Variants in PTPRD observed in about 807,000 individuals in gnomAD.
The protein encoded by PTPRD is receptor-type tyrosine-protein phosphatase delta.
A neutral mutation model predicts 214.5 loss-of-function variants in PTPRD; 34 were observed. The observed-to-expected ratio is 0.16, with a 90% CI of 0.12 to 0.21. The LOEUF (loss-of-function observed/expected upper bound fraction) is 0.21, where lower values mean the gene tolerates loss of function less well. Ranked by LOEUF, PTPRD falls within the 10% of genes least tolerant of loss-of-function variation. PTPRD has a pLI of 1.00. For synonymous variants in PTPRD, 1,128 were observed against 845.7 expected, an observed-to-expected ratio of 1.33 and a Z score of -5.79; for missense variants, 2,545 against 2,398.7, an observed-to-expected ratio of 1.06 and a Z score of -1.27.
intron 12 of PTPRD, among the ~76,000 whole-genome samples, chr9:8,642,693 G>C (rs190080549): frequency 6.6e-6 from 1 of 152,284 alleles, no homozygotes; most frequent in African/African-American, 2.4e-5. Flanking sequence ...CTGGTCTGAA[G>C]GTTTGAGGGG....
intron 3 of PTPRD, among the ~76,000 whole-genome samples, chr9:10,259,063 C>G (rs907243155): frequency 6.6e-6 from 1 of 152,020 alleles, no homozygotes; most frequent in South Asian, 2.1e-4. Flanking sequence ...CACTCTGTCG[C>G]CCAGGCTGGA....
At chr9:9,539,402 T>C (rs1213293255) in intron 8 of PTPRD, among the ~76,000 whole-genome samples, 2 of 151,858 alleles carry the variant, frequency 1.3e-5, no homozygotes, top group African/African-American at 4.8e-5. Flanking sequence ...AAAATGACTT[T>C]TGTCTCTTGG....
intron 35 of PTPRD, among the ~76,000 whole-genome samples, chr9:8,432,513 T>TA (rs915150496): frequency 1.3e-3 from 203 of 151,596 alleles, no homozygotes; most frequent in Admixed American, 3.3e-3. Context: ...AGAATCAGAG[T>TA]AAAAAAAAAT....
At chr9:9,429,578 G>C (rs2082271316) in intron 8 of PTPRD, among the ~76,000 whole-genome samples, 1 of 152,118 alleles carries the variant, frequency 6.6e-6, no homozygotes, top group Admixed American at 6.6e-5. Context: ...TGATACCAAA[G>C]CCTGGCAGAG....
rs145291481 is a variant in PTPRD, at chr9:9,393,538, T to C, written c.-203+3911A>G. ...TGCATGAGATCCCTATTGACACTTA[T>C]TGGAGTGGAATAACTGCATAGTCAA... On this transcript the variant is annotated intron_variant, in intron 9 of 45. Transcript: ENST00000381196. 1.2e-4 allele frequency among the ~76,000 whole-genome samples: 18 copies of C among 152,288 alleles called. No individual in the cohort carries two copies. In the East Asian group the frequency reaches 1.7e-3, roughly 15 times the overall value.
intron 9 of PTPRD, among the ~76,000 whole-genome samples, chr9:9,223,623 T>C (rs919157333): frequency 6.6e-6 from 1 of 151,996 alleles, no homozygotes; most frequent in African/African-American, 2.4e-5. Context: ...TCAAAGAACA[T>C]CTCTCTATGA....
At position 9,281,169 on chromosome 9, in the gene PTPRD, T is replaced by G. The variant is rs62535763; in HGVS notation, c.-202-97806A>C. Reference sequence around the variant, plus strand: ...ACTGTATAATGAGTAGAAAATAACATAGGAGAAAATCTGAATGACCTTAGG... The same window carrying G: ...ACTGTATAATGAGTAGAAAATAACAGAGGAGAAAATCTGAATGACCTTAGG... On this transcript the variant is annotated intron_variant, in intron 9 of 45. Coordinates refer to ENST00000381196, the MANE Select transcript of PTPRD (RefSeq NM_002839.4). 6.6e-5 allele frequency among the ~76,000 whole-genome samples: 10 copies of G among 151,078 alleles called. No individual in the cohort carries two copies. The South Asian group carries it at 1.2e-3, about 19-fold the overall frequency.
intron 8 of PTPRD, among the ~76,000 whole-genome samples, chr9:9,526,328 T>A (rs2074112084): frequency 6.6e-6 from 1 of 152,198 alleles, no homozygotes; most frequent in Admixed American, 6.5e-5. Flanking sequence ...TGGACATGAT[T>A]TTCTCTAGGG....
intron 7 of PTPRD, among the ~76,000 whole-genome samples, chr9:9,644,385 T>A (rs1246643241): frequency 6.6e-6 from 1 of 152,206 alleles, no homozygotes; most frequent in East Asian, 1.9e-4. Flanking sequence ...TCATCAATCA[T>A]GACAATCATA....
rs368494677 is a variant in PTPRD at position 8,443,908 on chromosome 9, GT to G, written c.3988+5816del. Among the ~76,000 whole-genome samples the G allele has an allele frequency of 3.6e-3, 544 of 152,154 alleles. 2 individuals carry two copies. Among genetic ancestry groups the G allele is most frequent in the African/African-American group, 0.013 (521 of 41,514 alleles). ...TGAACACATATTAGTAATTTGTTTGGTTTTCTTATATATCACCATCTTTTAA... is the reference window on the plus strand; with the variant it reads ...TGAACACATATTAGTAATTTGTTTGGTTTCTTATATATCACCATCTTTTAA... On this transcript the variant is annotated intron_variant, in intron 34 of 45. Transcript: ENST00000381196.
intron 35 of PTPRD, among the ~76,000 whole-genome samples, chr9:8,413,738 A>G (rs371516649): frequency 1.3e-5 from 2 of 152,174 alleles, no homozygotes; most frequent in Non-Finnish European, 1.5e-5. Flanking sequence ...AAGTGTCAGT[A>G]TATTTGTCTC....
chr9:8,721,211 C>A (rs113636629), intron 12 of PTPRD, among the ~76,000 whole-genome samples: 4 of 151,904 alleles, frequency 2.6e-5, no homozygotes, highest in Non-Finnish European at 5.9e-5. Context: ...GGGGGATCAT[C>A]TGAGGTCAGG....
chr9:8,806,853 G>A (rs554531628), intron 11 of PTPRD, among the ~76,000 whole-genome samples: 14 of 152,272 alleles, frequency 9.2e-5, no homozygotes, highest in African/African-American at 3.4e-4. Context: ...ACTGTACTAA[G>A]ATTTACTATA....
intron 3 of PTPRD, among the ~76,000 whole-genome samples, chr9:10,228,358 C>T (rs372134171): frequency 6.6e-6 from 1 of 151,940 alleles, no homozygotes; most frequent in Admixed American, 6.6e-5. Context: ...AGGTGTGGTC[C>T]CACATCCACA....
At chr9:8,318,946 C>T (rs1053208158) in intron 45 of PTPRD, among the ~76,000 whole-genome samples, 1 of 151,942 alleles carries the variant, frequency 6.6e-6, no homozygotes, top group Non-Finnish European at 1.5e-5. Flanking sequence ...GTGCATTTTT[C>T]TGTAATAAAA....
chr9:10,133,997 A>C (rs1316231758), intron 3 of PTPRD, among the ~76,000 whole-genome samples: 3 of 152,100 alleles, frequency 2.0e-5, no homozygotes, highest in African/African-American at 4.8e-5. Flanking sequence ...TAGTATGTAA[A>C]ATGGGAATAT....
At chr9:10,064,123 A>AT (rs1227059937) in intron 3 of PTPRD, among the ~76,000 whole-genome samples, 2 of 151,524 alleles carry the variant, frequency 1.3e-5, no homozygotes, top group Admixed American at 6.6e-5. Context: ...TTAAAAGACA[A>AT]TTTTTTTTCA....
At chr9:9,350,079 C>A (rs1481304017) in intron 9 of PTPRD, among the ~76,000 whole-genome samples, 1 of 152,048 alleles carries the variant, frequency 6.6e-6, no homozygotes, top group Non-Finnish European at 1.5e-5. Context: ...AGGAGCTATG[C>A]TCCAGAGTGG....
chr9:9,841,233 G>C (rs2058262234), intron 5 of PTPRD, among the ~76,000 whole-genome samples: 1 of 152,030 alleles, frequency 6.6e-6, no homozygotes, highest in African/African-American at 2.4e-5. Flanking sequence ...AATAATAAGG[G>C]TACGTAATGT....
Sources: gnomAD v4.1 joint callset for allele counts (sites outside exome capture counted in the v4.1 genomes callset) on GRCh38, gnomAD v4.1.1 for gene constraint, MANE v1.5 for transcripts, NCBI Gene and HGNC (gene_info 2026-07-23, HGNC 2026-07-21) for gene names.